TTLL8: variants seen among roughly 807,000 people sequenced by gnomAD.
TTLL8 encodes protein monoglycylase TTLL8.
A neutral mutation model predicts 77.8 loss-of-function variants in TTLL8; 65 were observed. That is an observed-to-expected ratio of 0.84 (90% CI 0.68 to 1.03). The LOEUF (loss-of-function observed/expected upper bound fraction) is 1.03. TTLL8 is among the 50% of genes least tolerant of loss of function. The pLI, the probability that TTLL8 is intolerant of heterozygous loss-of-function variation, is 0.00. For missense variants in TTLL8, 910 were observed against 1,004.5 expected, an observed-to-expected ratio of 0.91 and a Z score of 1.27; for synonymous variants, 402 against 422.8, an observed-to-expected ratio of 0.95 and a Z score of 0.60.
chr22:50,039,224 T>C (rs994914592), intron 8 of TTLL8, among the ~76,000 whole-genome samples: 4 of 152,228 alleles, frequency 2.6e-5, no homozygotes, highest in Non-Finnish European at 4.4e-5. Flanking sequence ...TTTTGTGTTA[T>C]TGGAATTAAT....
chr22:50,057,178 G>A (rs1250283590), upstream of TTLL8, among the ~76,000 whole-genome samples: 1 of 147,938 alleles, frequency 6.8e-6, no homozygotes, highest in Non-Finnish European at 1.5e-5. Flanking sequence ...TGGGAGTCAG[G>A]TCTGGGGTTG....
chr22:50,030,569 C>G, exon 12 of TTLL8: 1 of 1,310,982 alleles, frequency 7.6e-7, no homozygotes, highest in Non-Finnish European at 1.0e-6. Flanking sequence ...TGTTTGGGGC[C>G]TGACTGTCCA....
At chr22:50,046,525 C>T (rs1383791030) in intron 4 of TTLL8, among the ~76,000 whole-genome samples, 1 of 152,246 alleles carries the variant, frequency 6.6e-6, no homozygotes, top group East Asian at 1.9e-4. Flanking sequence ...GCTCTGCACA[C>T]GGGGTCTTTG....
chr22:50,046,089 C>T (rs1422751680), intron 4 of TTLL8, 119 bp from the exon 7 acceptor site: 5 of 893,686 alleles, frequency 5.6e-6, no homozygotes, highest in African/African-American at 1.7e-5. Flanking sequence ...CCACACAGCA[C>T]CCCTAGGGCG....
exon 12 of TTLL8, chr22:50,030,745 G>C (rs1601913144): frequency 3.8e-6 from 5 of 1,328,648 alleles, no homozygotes; most frequent in East Asian, 9.6e-5. Context: ...GCTGGTGATG[G>C]GGGTCCCTGG....
At chr22:50,049,744 T>C (rs2061433283) in intron 2 of TTLL8, among the ~76,000 whole-genome samples, 1 of 152,048 alleles carries the variant, frequency 6.6e-6, no homozygotes, top group South Asian at 2.1e-4. Flanking sequence ...GCTGTGCAGA[T>C]GTCAGCGAGG....
At chr22:50,021,936 G>A (rs1049111437) in intron 12 of TTLL8, among the ~76,000 whole-genome samples, 3 of 102,020 alleles carry the variant, frequency 2.9e-5, no homozygotes, top group African/African-American at 1.1e-4. Flanking sequence ...CACCTGACAT[G>A]CAGTCCTCCA....
chr22:50,025,842 C>T (rs1329366266), intron 12 of TTLL8, among the ~76,000 whole-genome samples: 4 of 152,150 alleles, frequency 2.6e-5, no homozygotes, highest in Non-Finnish European at 4.4e-5. Flanking sequence ...ATGAGATATC[C>T]GTACACCTAC....
At chr22:50,037,493 C>A (rs1191394269) in intron 8 of TTLL8, among the ~76,000 whole-genome samples, 1 of 152,256 alleles carries the variant, frequency 6.6e-6, no homozygotes, top group African/African-American at 2.4e-5. Flanking sequence ...AGCCACCACG[C>A]CCGGCCCAAT....
At chr22:50,031,854 G>T in exon 11 of TTLL8, 1 of 1,367,298 alleles carries the variant, frequency 7.3e-7, no homozygotes, top group South Asian at 1.1e-5. Context: ...CCCTCCCAAG[G>T]ACGAAGTCAG....
chr22:50,048,984 C>T (rs2061428680), intron 3 of TTLL8, among the ~76,000 whole-genome samples: 1 of 152,248 alleles, frequency 6.6e-6, no homozygotes, highest in Non-Finnish European at 1.5e-5. Context: ...ATGCGCACAG[C>T]AGGCCAGCCC....
At chr22:50,051,359 CATT>C (rs1295325506) in intron 1 of TTLL8, among the ~76,000 whole-genome samples, 2 of 152,246 alleles carry the variant, frequency 1.3e-5, no homozygotes, top group African/African-American at 4.8e-5. Context: ...CTGCAAAAGA[CATT>C]ATCTGGTTCC....
At chr22:50,048,359 G>T (rs1018037666) in intron 3 of TTLL8, among the ~76,000 whole-genome samples, 3 of 152,074 alleles carry the variant, frequency 2.0e-5, no homozygotes, top group African/African-American at 7.3e-5. Context: ...TTAGGATTAG[G>T]TCATGAGCCT....
Position 50,044,854 on chromosome 22 carries a change from CA to C in TTLL8, c.643+400del, listed in dbSNP as rs1338627827. On this transcript the variant is annotated intron_variant, in intron 6 of 13. Transcript: ENST00000266182. This position sits in a 1 kb window ranked among gnomAD's most constrained non-coding sequence, Gnocchi z 4.2. ...GGCTGGTTCACATCCCTGTACCACCCAGGGGCGCCTCTCCCCTGGGCTTCCT... is the reference window on the plus strand; with the variant it reads ...GGCTGGTTCACATCCCTGTACCACCCGGGGCGCCTCTCCCCTGGGCTTCCT... 6.6e-6 allele frequency among the ~76,000 whole-genome samples: 1 copy of C among 152,178 alleles called. No homozygotes were observed. Among genetic ancestry groups the C allele is most frequent in the Non-Finnish European group, 1.5e-5 (1 of 68,030 alleles).
chr22:50,055,311 T>G (rs1389128536), upstream of TTLL8: 1 of 1,289,828 alleles, frequency 7.8e-7, no homozygotes, highest in African/African-American at 1.5e-5. Context: ...TCTTGGGAAA[T>G]TCCTTGTTTT....
chr22:50,031,540 C>G (rs75080456), intron 11 of TTLL8, 146 bp downstream of exon 12: 1 of 1,182,078 alleles, frequency 8.5e-7, no homozygotes, highest in Non-Finnish European at 1.1e-6. Flanking sequence ...TCAGCGGGAC[C>G]GAGCATGGTC....
At chr22:50,027,265 G>C (rs1392415610) in intron 12 of TTLL8, among the ~76,000 whole-genome samples, 2 of 150,658 alleles carry the variant, frequency 1.3e-5, no homozygotes, top group East Asian at 3.9e-4. Flanking sequence ...TGGGCGTGGT[G>C]GCTCACGCCT....
intron 8 of TTLL8, among the ~76,000 whole-genome samples, chr22:50,040,433 A>G (rs2061363653): frequency 6.6e-6 from 1 of 152,270 alleles, no homozygotes; most frequent in Non-Finnish European, 1.5e-5. Context: ...GAGAGAGCAC[A>G]GACTGTTCCC....
intron 4 of TTLL8, among the ~76,000 whole-genome samples, chr22:50,046,580 T>G (rs1198232253): frequency 1.3e-5 from 2 of 152,220 alleles, no homozygotes. Context: ...GGCCTGACCC[T>G]GGGGTATTAG....
Sources: allele counts gnomAD v4.1 joint callset (sites outside exome capture counted in the v4.1 genomes callset), GRCh38; gene constraint gnomAD v4.1.1; non-coding constraint Gnocchi (gnomAD v3.1); transcripts MANE v1.5; gene names NCBI Gene and HGNC (gene_info 2026-07-23, HGNC 2026-07-21).